The following PELI2 variants were observed in gnomAD, a reference collection of about 807,000 sequenced individuals.
PELI2 encodes pellino E3 ubiquitin protein ligase family member 2.
Under a neutral mutation model 42.3 loss-of-function variants are expected in PELI2, and 23 were observed. That is an observed-to-expected ratio of 0.54 (90% CI 0.39 to 0.77). The LOEUF (loss-of-function observed/expected upper bound fraction) is 0.77. PELI2 is among the 30% of genes least tolerant of loss of function. The pLI is 0.00. For synonymous variants in PELI2, 245 were observed against 212.2 expected (o/e 1.15, Z -1.34); for missense variants, 463 against 553.2 (o/e 0.84, Z 1.64).
At chr14:56,235,008 T>C (rs772503652) in intron 2 of PELI2, among the ~76,000 whole-genome samples, 15 of 152,200 alleles carry the variant, frequency 9.9e-5, no homozygotes, top group Non-Finnish European at 2.1e-4. Context: ...TACTTCACTT[T>C]CTTTTCTGAG....
chr14:56,151,530 G>A (rs1455021570), intron 1 of PELI2, among the ~76,000 whole-genome samples: 4 of 152,174 alleles, frequency 2.6e-5, no homozygotes, highest in Non-Finnish European at 5.9e-5. Context: ...GAATGTAGTT[G>A]TTCAGCTAGG....
At chr14:56,243,643 T>A (rs941831305) in intron 2 of PELI2, among the ~76,000 whole-genome samples, 2 of 152,218 alleles carry the variant, frequency 1.3e-5, no homozygotes, top group African/African-American at 4.8e-5. Flanking sequence ...CTTTGCATTT[T>A]TGGGTCATTA....
chr14:56,223,386 C>G lies in PELI2; in HGVS notation c.207+44922C>G, dbSNP rs561000928. Among the ~76,000 whole-genome samples the G allele has an allele frequency of 9.2e-5, 14 of 152,274 alleles. 1 individual carries two copies. The South Asian group carries it at 1.5e-3, about 16-fold the overall frequency. Reference sequence around the variant, plus strand: ...ACTTTAGAGCTTTGACATTCTCCCCCTTGACTCATATGGGGGTTCCCTGTC... The same window carrying G: ...ACTTTAGAGCTTTGACATTCTCCCCGTTGACTCATATGGGGGTTCCCTGTC... On this transcript the variant is annotated intron_variant, in intron 2 of 5. Coordinates refer to ENST00000267460, the MANE Select transcript of PELI2 (RefSeq NM_021255.3).
chr14:56,152,035 G>A (rs550930415), intron 1 of PELI2, among the ~76,000 whole-genome samples: 1 of 152,272 alleles, frequency 6.6e-6, no homozygotes, highest in African/African-American at 2.4e-5. Context: ...CATAGTAGAA[G>A]CTGCCCTGTC....
chr14:56,221,740 T>C (rs1014627860), intron 2 of PELI2, among the ~76,000 whole-genome samples: 2 of 152,266 alleles, frequency 1.3e-5, no homozygotes, highest in African/African-American at 4.8e-5. Flanking sequence ...AGAAGAGTTT[T>C]ATAAATAGTT....
Position 56,251,492 on chromosome 14 carries a change from C to A in PELI2, c.208-28184C>A, listed in dbSNP as rs144223592. On this transcript the variant is annotated intron_variant, in intron 2 of 5. Coordinates refer to ENST00000267460, the MANE Select transcript of PELI2 (RefSeq NM_021255.3). ...GCAGCCGTAGTTTCTGCTGAGTATT[C>A]TGTTTGATCCTTGCAGCAGTTCGTT... 1.8e-4 allele frequency among the ~76,000 whole-genome samples: 27 copies of A among 152,316 alleles called. 1 individual carries two copies. The South Asian group carries it at 2.1e-3, about 12-fold the overall frequency.
intron 2 of PELI2, among the ~76,000 whole-genome samples, chr14:56,236,878 A>G (rs2139784485): frequency 6.6e-6 from 1 of 152,284 alleles, no homozygotes; most frequent in East Asian, 1.9e-4. Flanking sequence ...TATTTGTACC[A>G]AGATTTGAGA....
chr14:56,255,895 G>A (rs1888511374), intron 2 of PELI2, among the ~76,000 whole-genome samples: 1 of 152,138 alleles, frequency 6.6e-6, no homozygotes, highest in African/African-American at 2.4e-5. Context: ...CCTTGAACAT[G>A]GCTAGTCCCT....
chr14:56,259,401 A>G (rs907407496), intron 2 of PELI2, among the ~76,000 whole-genome samples: 5 of 152,284 alleles, frequency 3.3e-5, no homozygotes, highest in Admixed American at 6.5e-5. Context: ...GGTTTATAAC[A>G]TGCATAGAGA....
At position 56,231,308 on chromosome 14, in the gene PELI2, C is replaced by T. The variant is rs527665255; in HGVS notation, c.208-48368C>T. 1.1e-3 allele frequency among the ~76,000 whole-genome samples: 166 copies of T among 152,290 alleles called. 1 individual carries two copies. In the South Asian group the frequency reaches 0.033, roughly 30 times the overall value. ...ACCCCAATTCAACAGAATATACATT[C>T]TTCTCAGCACCACATTGCACTTATT... On this transcript the variant is annotated intron_variant, in intron 2 of 5. Coordinates refer to ENST00000267460, the MANE Select transcript of PELI2 (RefSeq NM_021255.3).
intron 5 of PELI2, among the ~76,000 whole-genome samples, chr14:56,295,591 CAG>C (rs1889973751): frequency 6.6e-6 from 1 of 152,224 alleles, no homozygotes; most frequent in Non-Finnish European, 1.5e-5. Context: ...CAGGTATTTA[CAG>C]AGTGTTGACT....
chr14:56,252,948 A>C (rs1888397074), intron 2 of PELI2, among the ~76,000 whole-genome samples: 1 of 152,230 alleles, frequency 6.6e-6, no homozygotes, highest in East Asian at 1.9e-4. Context: ...CATCTATGTG[A>C]AAATCCTCAG....
chr14:56,191,767 A>G (rs922869369), intron 2 of PELI2, among the ~76,000 whole-genome samples: 2 of 152,232 alleles, frequency 1.3e-5, no homozygotes, highest in African/African-American at 2.4e-5. Context: ...TACTTGAGCT[A>G]TAATACAAAA....
intron 1 of PELI2, chr14:56,119,675 A>C (rs924516754): frequency 1.4e-5 from 10 of 728,834 alleles, no homozygotes; most frequent in Non-Finnish European, 1.5e-5. Context: ...CGGGCTTAAA[A>C]CTGGATATAG....
chr14:56,272,846 A>G (rs1458526699), intron 2 of PELI2, among the ~76,000 whole-genome samples: 1 of 152,226 alleles, frequency 6.6e-6, no homozygotes, highest in Non-Finnish European at 1.5e-5. Flanking sequence ...GCTGCCTGCC[A>G]TGGTAGACAC....
chr14:56,185,250 T>C (rs1408021160), intron 2 of PELI2, among the ~76,000 whole-genome samples: 2 of 152,192 alleles, frequency 1.3e-5, no homozygotes, highest in Admixed American at 1.3e-4. Context: ...CTGTAAAATT[T>C]GATTAATCAA....
intron 2 of PELI2, among the ~76,000 whole-genome samples, chr14:56,249,677 C>G (rs1221858812): frequency 3.3e-5 from 5 of 152,150 alleles, no homozygotes; most frequent in African/African-American, 9.7e-5. Flanking sequence ...GGAATACACA[C>G]AAGGAATTAC....
At chr14:56,241,352 T>G (rs1193024688) in intron 2 of PELI2, among the ~76,000 whole-genome samples, 1 of 152,132 alleles carries the variant, frequency 6.6e-6, no homozygotes, top group Admixed American at 6.5e-5. Flanking sequence ...TGGGAATCAA[T>G]TCAGGAAGTC....
chr14:56,175,550 G>A (rs767149822), intron 1 of PELI2, among the ~76,000 whole-genome samples: 15 of 152,170 alleles, frequency 9.9e-5, no homozygotes, highest in Admixed American at 2.6e-4. Context: ...TTGTCTCATG[G>A]TGACACTGGT....
Sources: allele counts gnomAD v4.1 joint callset (sites outside exome capture counted in the v4.1 genomes callset), GRCh38; gene constraint gnomAD v4.1.1; transcripts MANE v1.5; gene names NCBI Gene and HGNC (gene_info 2026-07-23, HGNC 2026-07-21).